RGS7: variants seen among roughly 807,000 people sequenced by gnomAD.
RGS7 encodes the protein regulator of G protein signaling 7.
RGS7 carries 27 observed loss-of-function variants against 81.1 expected under a neutral mutation model. That is an observed-to-expected ratio of 0.33 (90% CI 0.25 to 0.46). The LOEUF (loss-of-function observed/expected upper bound fraction) is 0.46. RGS7 is among the 20% of genes least tolerant of loss of function. The pLI, the probability that RGS7 is intolerant of heterozygous loss-of-function variation, is 1.00. For missense variants in RGS7, 396 were observed against 607.4 expected, an observed-to-expected ratio of 0.65 and a Z score of 3.66; for synonymous variants, 208 against 207.7, an observed-to-expected ratio of 1.00 and a Z score of -0.01.
At chr1:240,828,651 G>A (rs1693279290) in intron 9 of RGS7, among the ~76,000 whole-genome samples, 1 of 152,204 alleles carries the variant, frequency 6.6e-6, no homozygotes, top group African/African-American at 2.4e-5. Flanking sequence ...GCAGGACATG[G>A]TGGCAGGCGC....
intron 9 of RGS7, among the ~76,000 whole-genome samples, chr1:240,835,311 T>C (rs949327805): frequency 2.6e-5 from 4 of 151,944 alleles, no homozygotes; most frequent in African/African-American, 9.7e-5. Context: ...CCAAAGAAAA[T>C]ATACAGATGG....
At chr1:241,285,022 C>A (rs4660060) in intron 2 of RGS7, among the ~76,000 whole-genome samples, 1 of 151,912 alleles carries the variant, frequency 6.6e-6, no homozygotes, top group Non-Finnish European at 1.5e-5. Flanking sequence ...AGGCACCCAC[C>A]ACAATGCCCA....
intron 2 of RGS7, among the ~76,000 whole-genome samples, chr1:241,189,974 G>C (rs2072485223): frequency 6.6e-6 from 1 of 152,098 alleles, no homozygotes; most frequent in Non-Finnish European, 1.5e-5. Context: ...GCGGTGGTGG[G>C]CACCTGTAGT....
chr1:241,212,439 G>C (rs1326083193), intron 2 of RGS7, among the ~76,000 whole-genome samples: 1 of 152,096 alleles, frequency 6.6e-6, no homozygotes, highest in African/African-American at 2.4e-5. Flanking sequence ...ATTCTTATTA[G>C]CGTATGCATT....
chr1:241,210,370 A>C (rs542909751), intron 2 of RGS7, among the ~76,000 whole-genome samples: 1 of 152,204 alleles, frequency 6.6e-6, no homozygotes, highest in Non-Finnish European at 1.5e-5. Flanking sequence ...GGCTGGTCTC[A>C]AACTCCGGAC....
chr1:240,785,216 A>C (rs1684862068), intron 18 of RGS7, among the ~76,000 whole-genome samples: 1 of 152,140 alleles, frequency 6.6e-6, no homozygotes, highest in African/African-American at 2.4e-5. Context: ...GTGGCCTTTC[A>C]GACTCTTTAC....
intron 6 of RGS7, among the ~76,000 whole-genome samples, chr1:240,879,636 A>G (rs1168574890): frequency 1.3e-5 from 2 of 152,156 alleles, no homozygotes; most frequent in African/African-American, 4.8e-5. Flanking sequence ...AAAACTTGTT[A>G]CCACTCCGTT....
At chr1:241,225,965 C>T (rs1387403896) in intron 2 of RGS7, among the ~76,000 whole-genome samples, 1 of 152,126 alleles carries the variant, frequency 6.6e-6, no homozygotes, top group African/African-American at 2.4e-5. Flanking sequence ...CTCAAGGGAG[C>T]TGACATTTTC....
At chr1:240,988,030 A>C (rs1685932098) in intron 3 of RGS7, among the ~76,000 whole-genome samples, 1 of 152,134 alleles carries the variant, frequency 6.6e-6, no homozygotes, top group South Asian at 2.1e-4. Flanking sequence ...AAGAATGTCT[A>C]GCGAAGCAAA....
intron 2 of RGS7, among the ~76,000 whole-genome samples, chr1:241,138,177 CAAA>C (rs57697166): frequency 6.9e-5 from 8 of 115,402 alleles, no homozygotes; most frequent in African/African-American, 1.5e-4. Context: ...ATCTCAAAAA[CAAA>C]AAAAAAAAAA....
chr1:241,272,106 G>A lies in RGS7; in HGVS notation c.78+83593C>T, dbSNP rs554278306. Among the ~76,000 whole-genome samples the A allele has an allele frequency of 1.6e-4, 24 of 151,710 alleles. 1 individual carries two copies. The highest frequency in any genetic ancestry group is 5.3e-4 in the African/African-American group (22 of 41,324). ...CCTCCCGGGTTCACGCCATTCTCCT[G>A]CCTCAGCCTTCCAAGTAGCTGGGAC... On this transcript the variant is annotated intron_variant, in intron 2 of 18. Transcript: ENST00000440928.
At chr1:241,338,558 A>G (rs1306138067) in intron 2 of RGS7, among the ~76,000 whole-genome samples, 1 of 152,170 alleles carries the variant, frequency 6.6e-6, no homozygotes, top group Non-Finnish European at 1.5e-5. Context: ...AGCTGGCAGT[A>G]TAATGAATCA....
intron 2 of RGS7, among the ~76,000 whole-genome samples, chr1:241,263,585 A>C (rs962419399): frequency 1.2e-4 from 19 of 152,336 alleles, no homozygotes; most frequent in African/African-American, 4.1e-4. Flanking sequence ...GGTGCCTGGC[A>C]TATGCAAAGT....
chr1:241,268,440 T>C (rs1451347632), intron 2 of RGS7, among the ~76,000 whole-genome samples: 1 of 152,116 alleles, frequency 6.6e-6, no homozygotes, highest in Non-Finnish European at 1.5e-5. Flanking sequence ...CCCCAAGTTG[T>C]GCCAATGAAA....
chr1:241,216,213 A>G (rs2074544307), intron 2 of RGS7, among the ~76,000 whole-genome samples: 1 of 152,192 alleles, frequency 6.6e-6, no homozygotes, highest in Non-Finnish European at 1.5e-5. Context: ...TAGAGGTTGT[A>G]GTGAGCCGAG....
At chr1:241,069,676 T>C (rs1050278891) in intron 3 of RGS7, among the ~76,000 whole-genome samples, 3 of 152,166 alleles carry the variant, frequency 2.0e-5, no homozygotes, top group Non-Finnish European at 4.4e-5. Context: ...CTGAAAGGGA[T>C]GTTTAGTTTA....
In RGS7 at chr1:240,868,177, CGAAG is replaced by C. The variant is rs959497079; in HGVS notation, c.609+406_609+409del. On this transcript the variant is annotated intron_variant, in intron 9 of 18. Transcript: ENST00000440928. The surrounding 1 kb of genome is among the most constrained non-coding windows in gnomAD (Gnocchi z 5.1). ...AAGAAAGGACGGAGGGAGGGAAGGA[CGAAG>C]GAAGGAAGGAAGGAACGAAGGAACG... 3.4e-4 allele frequency among the ~76,000 whole-genome samples: 44 copies of C among 130,576 alleles called. 1 individual carries two copies. The highest frequency in any genetic ancestry group is 4.1e-3 in the Middle Eastern group (1 of 242). The allele number at this position is 130,576 out of a possible 152,430, so 85.7% of individuals were successfully genotyped here. A position where few individuals can be genotyped will look rare whatever the true frequency, so the allele number is the denominator to read the frequency against.
intron 2 of RGS7, among the ~76,000 whole-genome samples, chr1:241,222,502 G>C (rs2075070622): frequency 6.6e-6 from 1 of 152,162 alleles, no homozygotes; most frequent in Non-Finnish European, 1.5e-5. Flanking sequence ...AGAGGGTTCT[G>C]TTGGTGAAAG....
chr1:240,852,562 A>C (rs1394217413), intron 9 of RGS7, among the ~76,000 whole-genome samples: 2 of 152,162 alleles, frequency 1.3e-5, no homozygotes, highest in South Asian at 4.1e-4. Flanking sequence ...ACCAGGAATA[A>C]AACCTGGTAC....
Sources: allele counts gnomAD v4.1 joint callset (sites outside exome capture counted in the v4.1 genomes callset), GRCh38; gene constraint gnomAD v4.1.1; non-coding constraint Gnocchi (gnomAD v3.1); transcripts MANE v1.5; gene names NCBI Gene and HGNC (gene_info 2026-07-23, HGNC 2026-07-21).